Variants in PIEZO2 observed in about 807,000 individuals in gnomAD.
PIEZO2 encodes the protein piezo type mechanosensitive ion channel component 2.
A neutral mutation model predicts 337.3 loss-of-function variants in PIEZO2; 172 were observed. The observed-to-expected ratio is 0.51, with a 90% CI of 0.45 to 0.58. The LOEUF (loss-of-function observed/expected upper bound fraction) is 0.58, where lower values mean the gene tolerates loss of function less well. Among genes scored for constraint, PIEZO2 ranks in the 20% least tolerant of loss-of-function variants. The probability of loss-of-function intolerance (pLI) is 0.00; values close to 1 mark genes in which losing one functional copy is unlikely to be tolerated. For missense variants in PIEZO2, 3,028 were observed against 3,391.3 expected (o/e 0.89, Z 2.66); for synonymous variants, 1,251 against 1,228.5 (o/e 1.02, Z -0.38).
At chr18:10,843,962 G>A (rs1341018055) in intron 7 of PIEZO2, among the ~76,000 whole-genome samples, 2 of 152,250 alleles carry the variant, frequency 1.3e-5, no homozygotes. Flanking sequence ...TTCTGGAACA[G>A]GATGGTAGGA....
At chr18:11,107,703 C>T (rs567964986) in intron 1 of PIEZO2, among the ~76,000 whole-genome samples, 12 of 152,246 alleles carry the variant, frequency 7.9e-5, no homozygotes, top group African/African-American at 2.6e-4. Context: ...GAGGCCACTA[C>T]GAATCCCTGT....
rs1389007672 is a variant in PIEZO2 at position 11,002,552 on chromosome 18, A to C, written c.161-22892T>G. 6.6e-6 allele frequency among the ~76,000 whole-genome samples: 1 copy of C among 152,234 alleles called. No individual in the cohort carries two copies. The highest frequency in any genetic ancestry group is 1.5e-5 in the Non-Finnish European group (1 of 68,040). On this transcript the variant is annotated intron_variant, in intron 2 of 55. Transcript: ENST00000674853. The surrounding 1 kb of genome is among the most constrained non-coding windows in gnomAD (Gnocchi z 4.3). ...GGCTCAGCTCCCTGGAGAAGACCCC[A>C]CACACACTTTCACTTTCTCTAATTT...
At chr18:10,946,328 T>C (rs1463511713) in intron 3 of PIEZO2, among the ~76,000 whole-genome samples, 1 of 152,180 alleles carries the variant, frequency 6.6e-6, no homozygotes, top group East Asian at 1.9e-4. Flanking sequence ...TTAAAAATAC[T>C]AGGAGAAAAA....
At chr18:10,955,522 A>G (rs2033478654) in intron 3 of PIEZO2, among the ~76,000 whole-genome samples, 1 of 152,198 alleles carries the variant, frequency 6.6e-6, no homozygotes, top group African/African-American at 2.4e-5. Flanking sequence ...TGTGTAAACA[A>G]CTTTAGAGAG....
rs1467184266 is a variant in PIEZO2, at chr18:10,991,014, T to C, written c.161-11354A>G. Among the ~76,000 whole-genome samples, 4 of 152,146 alleles carry C rather than the reference T, an allele frequency of 2.6e-5. No individual in the cohort carries two copies. The East Asian group carries it at 5.8e-4, about 22-fold the overall frequency. Reference sequence around the variant, plus strand: ...ATCTGGTTTGGTATTAAGGTAATCTTAGTTAAGAAGTGTTTCCTCTGCTCT... The same window carrying C: ...ATCTGGTTTGGTATTAAGGTAATCTCAGTTAAGAAGTGTTTCCTCTGCTCT... On this transcript the variant is annotated intron_variant, in intron 2 of 55. Coordinates refer to ENST00000674853, the MANE Select transcript of PIEZO2 (RefSeq NM_001378183.1).
intron 1 of PIEZO2, among the ~76,000 whole-genome samples, chr18:11,072,266 A>C (rs2038369960): frequency 6.6e-6 from 1 of 152,246 alleles, no homozygotes; most frequent in East Asian, 1.9e-4. Flanking sequence ...GAATAAAAAC[A>C]AAATGAAAAC....
At chr18:10,987,295 C>A (rs1037226700) in intron 2 of PIEZO2, among the ~76,000 whole-genome samples, 7 of 152,144 alleles carry the variant, frequency 4.6e-5, no homozygotes, top group Non-Finnish European at 1.0e-4. Context: ...ATCACACTTT[C>A]TGATTTCAAA....
At chr18:11,029,047 C>T (rs954606424) in intron 2 of PIEZO2, among the ~76,000 whole-genome samples, 6 of 152,146 alleles carry the variant, frequency 3.9e-5, no homozygotes, top group Non-Finnish European at 8.8e-5. Context: ...TTTGTTAACT[C>T]GTAATAGCAA....
At position 10,855,538 on chromosome 18, in the gene PIEZO2, A is replaced by T; in HGVS notation, c.732T>A (p.Ser244=). ...SGMMLPSLTS[S]VYFFVFLGLC... ...GACCCAAAAATACAAAAAAATACAC[A>T]GATGATGTCAAAGACGGCAACATCA... Residue 244 remains serine, a synonymous_variant, in exon 7 of 56, where the codon TCT becomes TCA. Transcript: ENST00000674853. This position sits in a 1 kb window ranked among gnomAD's most constrained non-coding sequence, Gnocchi z 4.9. The T allele has an allele frequency of 6.5e-7, 1 of 1,536,902 alleles. No homozygotes were observed. Among genetic ancestry groups the T allele is most frequent in the Non-Finnish European group, 8.7e-7 (1 of 1,146,836 alleles).
Position 10,677,426 on chromosome 18 carries a change from C to T in PIEZO2, c.8081+321G>A, listed in dbSNP as rs1200534617. ...AGAGACAGGGTTTCACCATGTTGGT[C>T]AGGCTGGTCTTGAACTCCCGACCTC... On this transcript the variant is annotated intron_variant, in intron 53 of 55. Coordinates refer to ENST00000674853, the MANE Select transcript of PIEZO2 (RefSeq NM_001378183.1). The surrounding 1 kb of genome is among the most constrained non-coding windows in gnomAD (Gnocchi z 4.1). 1.2e-5 allele frequency: 3 copies of T among 243,696 alleles called. No individual in the cohort carries two copies. The highest frequency in any genetic ancestry group is 4.7e-5 in the African/African-American group (2 of 42,520). 15.1% of individuals were successfully genotyped at this position (243,696 alleles called of 1,614,324 possible). A position where few individuals can be genotyped will look rare whatever the true frequency, so the allele number is the denominator to read the frequency against.
At chr18:11,055,210 CA>C (rs11390110) in intron 2 of PIEZO2, among the ~76,000 whole-genome samples, 4,561 of 79,570 alleles carry the variant, frequency 0.057, 57 homozygotes, top group African/African-American at 0.14. Flanking sequence ...GACTCTGTCT[CA>C]AAAAAAAAAA....
chr18:10,911,750 A>G (rs1345511742), intron 3 of PIEZO2, among the ~76,000 whole-genome samples: 1 of 30,098 alleles, frequency 3.3e-5, no homozygotes, highest in South Asian at 3.6e-3. Flanking sequence ...GCAAAACTCC[A>G]TCTTGAAAAA....
At chr18:10,857,270 G>C in intron 5 of PIEZO2, 59 bp from the exon 6 acceptor site, 1 of 1,406,546 alleles carries the variant, frequency 7.1e-7, no homozygotes, top group Admixed American at 2.0e-5. Context: ...CCAGCCAGCA[G>C]ATTATAGAGC....
chr18:10,957,567 A>G (rs1038981108), intron 3 of PIEZO2, among the ~76,000 whole-genome samples: 2 of 152,326 alleles, frequency 1.3e-5, no homozygotes, highest in African/African-American at 2.4e-5. Flanking sequence ...TAAAGCTACT[A>G]GAAGAAAAAA....
At chr18:10,701,968 T>C (rs1470727091) in intron 43 of PIEZO2, 21 bp downstream of exon 43, 2 of 1,506,744 alleles carry the variant, frequency 1.3e-6, no homozygotes, top group South Asian at 2.5e-5. Context: ...CTTGAACTGA[T>C]TAATTGTTAA....
Position 10,982,298 on chromosome 18 carries a change from G to A in PIEZO2, c.161-2638C>T, listed in dbSNP as rs1310065724. Reference sequence around the variant, plus strand: ...TTATTAAGGAGTATTGACTCACACAGTCACAAGGTGATAAAAGTATTTAAG... The same window carrying A: ...TTATTAAGGAGTATTGACTCACACAATCACAAGGTGATAAAAGTATTTAAG... On this transcript the variant is annotated intron_variant, in intron 2 of 55. Coordinates refer to ENST00000674853, the MANE Select transcript of PIEZO2 (RefSeq NM_001378183.1). This position sits in a 1 kb window ranked among gnomAD's most constrained non-coding sequence, Gnocchi z 4.1. Among the ~76,000 whole-genome samples, 1 of 151,980 alleles carries A rather than the reference G, an allele frequency of 6.6e-6. No individual in the cohort carries two copies. Among genetic ancestry groups the A allele is most frequent in the African/African-American group, 2.4e-5 (1 of 41,354 alleles).
At chr18:10,738,205 C>A (rs1320213141) in intron 33 of PIEZO2, 1 of 152,180 alleles carries the variant, frequency 6.6e-6, no homozygotes, top group Non-Finnish European at 1.5e-5. Flanking sequence ...TAAAGTAATG[C>A]CTTCACATAA....
intron 3 of PIEZO2, among the ~76,000 whole-genome samples, chr18:10,921,487 C>G (rs1161174912): frequency 4.6e-5 from 7 of 152,130 alleles, no homozygotes; most frequent in African/African-American, 1.7e-4. Context: ...CAGTAAATAT[C>G]CTTGTGGTTT....
At chr18:10,729,005 C>CAT (rs10625066) in intron 36 of PIEZO2, among the ~76,000 whole-genome samples, 74,379 of 148,286 alleles carry the variant, frequency 0.5, 18,816 homozygotes, top group South Asian at 0.55. Flanking sequence ...CACCTGCATA[C>CAT]GTGTGTGCAC....
Sources: allele counts gnomAD v4.1 joint callset (sites outside exome capture counted in the v4.1 genomes callset), GRCh38; gene constraint gnomAD v4.1.1; non-coding constraint Gnocchi (gnomAD v3.1); transcripts MANE v1.5; gene names NCBI Gene and HGNC (gene_info 2026-07-23, HGNC 2026-07-21).